DST: variants seen among roughly 807,000 people sequenced by gnomAD.
DST encodes dystonin.
Under a neutral mutation model 875.2 loss-of-function variants are expected in DST, and 253 were observed. The observed-to-expected ratio is 0.29, with a 90% CI of 0.26 to 0.32. The LOEUF (loss-of-function observed/expected upper bound fraction) is 0.32, where lower values mean the gene tolerates loss of function less well. DST is among the 10% of genes least tolerant of loss of function. The pLI, the probability that DST is intolerant of heterozygous loss-of-function variation, is 1.00. For missense variants in DST, 8,287 were observed against 9,111.6 expected (o/e 0.91, Z 3.68); for synonymous variants, 3,124 against 3,197.1 (o/e 0.98, Z 0.77).
rs2098499172 is a variant in DST, at chr6:56,606,469, G to A, written c.8159C>T (p.Ser2720Leu). The A allele has an allele frequency of 1.2e-6, 2 of 1,613,308 alleles. No individual in the cohort carries two copies. The highest frequency in any genetic ancestry group is 1.7e-6 in the Non-Finnish European group (2 of 1,179,532). The change falls in exon 40 of 104, where the codon TCA (serine) becomes TTA (leucine). Residue 2720 changes from serine to leucine, a missense_variant. Physicochemically the swap from Ser to Leu is moderately radical, Grantham distance 145. Transcript: ENST00000680361. ...TTCCCTTTCTGATCCAGTTTCCAGT[G>A]ACTGTCCATTCACCTTATCTGAGCC... ...PVGSDKVNGQ[S>L]LETGSERECT...
intron 3 of DST, among the ~76,000 whole-genome samples, chr6:56,866,521 C>T (rs556319765): frequency 6.6e-6 from 1 of 152,196 alleles, no homozygotes; most frequent in African/African-American, 2.4e-5. Flanking sequence ...AAAGCCTGCA[C>T]CATGACTTAC....
In DST at chr6:56,463,925, TA is replaced by T. The variant is rs778908183; in HGVS notation, c.22760-162del. On this transcript the variant is annotated intron_variant, in intron 100 of 103. Transcript: ENST00000680361. ...ACTCCAACTCAGCATAACAAAAAGT[TA>T]AATGCATTCCTTTACAATGCATTCC... 5.1e-6 allele frequency: 4 copies of T among 791,418 alleles called. No individual in the cohort carries two copies. In the East Asian group the frequency reaches 9.8e-5, roughly 19 times the overall value. The allele number at this position is 791,418 out of a possible 1,614,324, so 49.0% of individuals were successfully genotyped here. A position where few individuals can be genotyped will look rare whatever the true frequency, so the allele number is the denominator to read the frequency against.
chr6:56,814,122 A>T (rs1030248145), intron 4 of DST, among the ~76,000 whole-genome samples: 1 of 152,194 alleles, frequency 6.6e-6, no homozygotes, highest in Non-Finnish European at 1.5e-5. Context: ...GATGGTCTCA[A>T]TATATAGACA....
chr6:56,554,161 T>G (rs79091676), intron 60 of DST, among the ~76,000 whole-genome samples: 5,568 of 138,644 alleles, frequency 0.04, 131 homozygotes, highest in African/African-American at 0.055. Context: ...CTCAGCTCAC[T>G]GCAAGCTCCT....
At chr6:56,783,318 G>C (rs1296162806) in intron 4 of DST, among the ~76,000 whole-genome samples, 1 of 152,142 alleles carries the variant, frequency 6.6e-6, no homozygotes, top group African/African-American at 2.4e-5. Flanking sequence ...AATGTTGACA[G>C]TGGGGTGTTA....
At chr6:56,846,493 T>G (rs1450204670) in intron 4 of DST, among the ~76,000 whole-genome samples, 1 of 152,202 alleles carries the variant, frequency 6.6e-6, no homozygotes, top group Admixed American at 6.5e-5. Flanking sequence ...AGTTTATGAC[T>G]GAAAAACCCA....
chr6:56,639,082 A>G, intron 22 of DST, 177 bp downstream of exon 22: 2 of 643,634 alleles, frequency 3.1e-6, no homozygotes, highest in Non-Finnish European at 2.8e-6. Flanking sequence ...GTGATGGGTG[A>G]CATACTTAGA....
chr6:56,745,922 GA>G (rs1313286342), intron 4 of DST, among the ~76,000 whole-genome samples: 1 of 152,226 alleles, frequency 6.6e-6, no homozygotes, highest in African/African-American at 2.4e-5. Flanking sequence ...GCTGAATGCA[GA>G]GAAATAGGTA....
chr6:56,710,239 TG>T (rs888044133), intron 5 of DST, among the ~76,000 whole-genome samples: 1 of 152,070 alleles, frequency 6.6e-6, no homozygotes, highest in African/African-American at 2.4e-5. Context: ...TAATGAACCT[TG>T]GGTAAAATGC....
chr6:56,778,096 T>G (rs1251773325), intron 4 of DST, among the ~76,000 whole-genome samples: 1 of 152,118 alleles, frequency 6.6e-6, no homozygotes, highest in Non-Finnish European at 1.5e-5. Context: ...ATTTATTATA[T>G]CACGTATAAG....
intron 3 of DST, among the ~76,000 whole-genome samples, chr6:56,860,111 C>T (rs1192034026): frequency 6.6e-6 from 1 of 152,202 alleles, no homozygotes; most frequent in East Asian, 1.9e-4. Flanking sequence ...ATGTGGAATA[C>T]TGGCCCTAGT....
chr6:56,922,305 CCCTCCTCA>C (rs1804714339), intron 2 of DST, among the ~76,000 whole-genome samples: 1 of 152,158 alleles, frequency 6.6e-6, no homozygotes, highest in African/African-American at 2.4e-5. Context: ...GCCCTTCGTT[CCCTCCTCA>C]CCTTCCCTAC....
chr6:56,783,474 C>T (rs373392970), intron 4 of DST, among the ~76,000 whole-genome samples: 3,243 of 151,986 alleles, frequency 0.021, 107 homozygotes, highest in African/African-American at 0.072. Context: ...TTTACCATTA[C>T]GTAATGGCCT....
At chr6:56,495,698 G>A (rs565057189) in intron 82 of DST, among the ~76,000 whole-genome samples, 1 of 151,740 alleles carries the variant, frequency 6.6e-6, no homozygotes, top group Admixed American at 6.6e-5. Context: ...GAAACAAATA[G>A]GTCTCCTGTG....
chr6:56,556,770 G>C (rs894315887), intron 59 of DST, among the ~76,000 whole-genome samples: 9 of 152,018 alleles, frequency 5.9e-5, no homozygotes, highest in African/African-American at 2.2e-4. Flanking sequence ...TTCCCTTGTG[G>C]ATTTATCTGC....
rs117952136 is a variant in DST at position 56,876,080 on chromosome 6, T to C, written c.417+24341A>G. 3.2e-4 allele frequency among the ~76,000 whole-genome samples: 49 copies of C among 152,264 alleles called. No homozygotes were observed. In the East Asian group the frequency reaches 8.9e-3, roughly 28 times the overall value. On this transcript the variant is annotated intron_variant, in intron 3 of 103. Transcript: ENST00000680361. ...AGCAGAGGCTTCTGCTTCTCCTGCA[T>C]GTCTCATCGAAATCCCGGAGGGAAA...
At chr6:56,783,238 G>A (rs1197015942) in intron 4 of DST, among the ~76,000 whole-genome samples, 4 of 152,102 alleles carry the variant, frequency 2.6e-5, no homozygotes, top group East Asian at 1.9e-4. Context: ...TGTCTATTAC[G>A]TCTGCTTGGT....
chr6:56,510,162 C>T (rs1317001460), intron 73 of DST, among the ~76,000 whole-genome samples: 1 of 152,010 alleles, frequency 6.6e-6, no homozygotes, highest in Admixed American at 6.6e-5. Flanking sequence ...TGTAATTGGA[C>T]CAGGACGACA....
intron 3 of DST, among the ~76,000 whole-genome samples, chr6:56,892,013 G>A (rs1787794043): frequency 6.6e-6 from 1 of 152,080 alleles, no homozygotes; most frequent in African/African-American, 2.4e-5. Flanking sequence ...CCAAATTCAG[G>A]CCCTAATCAC....
Sources: allele counts gnomAD v4.1 joint callset (sites outside exome capture counted in the v4.1 genomes callset), GRCh38; gene constraint gnomAD v4.1.1; transcripts MANE v1.5; gene names NCBI Gene and HGNC (gene_info 2026-07-23, HGNC 2026-07-21).